DTX4: variants seen among roughly 807,000 people sequenced by gnomAD.
DTX4 encodes the protein E3 ubiquitin-protein ligase DTX4.
DTX4 carries 28 observed loss-of-function variants against 57.6 expected under a neutral mutation model. The ratio of observed to expected loss-of-function variants is 0.49; its 90% CI spans 0.36 to 0.67. DTX4 has a LOEUF of 0.67. DTX4 is among the 30% of genes least tolerant of loss of function. DTX4 has a pLI of 0.00. For synonymous variants in DTX4, 316 were observed against 331.0 expected (o/e 0.95, Z 0.49); for missense variants, 715 against 836.8 (o/e 0.85, Z 1.80).
intron 8 of DTX4, among the ~76,000 whole-genome samples, chr11:59,200,829 G>A (rs1412254044): frequency 6.6e-6 from 1 of 152,144 alleles, no homozygotes; most frequent in African/African-American, 2.4e-5. Context: ...AGGGAGTATT[G>A]GGGGGAATAT....
At chr11:59,189,396 C>T in intron 4 of DTX4, 73 bp downstream of exon 4, 1 of 1,425,318 alleles carries the variant, frequency 7.0e-7, no homozygotes, top group South Asian at 1.4e-5. Context: ...GCCTCAACCT[C>T]CAAGGGTCAT....
chr11:59,186,832 G>C (rs946552863), intron 2 of DTX4, among the ~76,000 whole-genome samples: 1 of 152,206 alleles, frequency 6.6e-6, no homozygotes, highest in African/African-American at 2.4e-5. Context: ...AGTGGCCCTT[G>C]TTTTGTATTC....
At position 59,181,853 on chromosome 11, in the gene DTX4, T is replaced by C; in HGVS notation, c.326T>C (p.Val109Ala). ...TCCTGGACGCCCTACGACATGGAAG[T>C]GGGCATCACCATCCAGCATGCCTAT... ...NGSWTPYDME[V>A]GITIQHAYEK... The change falls in exon 2 of 9, where the codon GTG becomes GCG. Residue 109 changes from valine to alanine, a missense_variant. Val to Ala is a moderately conservative substitution (Grantham distance 64, BLOSUM62 0). Transcript: ENST00000227451. The C allele has an allele frequency of 1.2e-6, 2 of 1,613,974 alleles. No individual in the cohort carries two copies. Among genetic ancestry groups the C allele is most frequent in the Non-Finnish European group, 1.7e-6 (2 of 1,179,882 alleles).
At chr11:59,193,564 C>T (rs1862626035) in intron 6 of DTX4, among the ~76,000 whole-genome samples, 3 of 152,032 alleles carry the variant, frequency 2.0e-5, no homozygotes, top group Admixed American at 2.0e-4. Flanking sequence ...ACATTTGTTC[C>T]CTATTTGATG....
chr11:59,176,299 CTTGT>C (rs1220742521), intron 1 of DTX4, among the ~76,000 whole-genome samples: 1 of 152,246 alleles, frequency 6.6e-6, no homozygotes, highest in Non-Finnish European at 1.5e-5. Context: ...CACACACTAT[CTTGT>C]TTAATCCTCA....
intron 2 of DTX4, among the ~76,000 whole-genome samples, chr11:59,184,258 G>C (rs768894582): frequency 1.3e-5 from 2 of 152,164 alleles, no homozygotes; most frequent in Non-Finnish European, 2.9e-5. Flanking sequence ...TGCTGGGTAA[G>C]AACCCGTCCT....
At position 59,185,454 on chromosome 11, in the gene DTX4, C is replaced by G. The variant is rs1862516121; in HGVS notation, c.935+2992C>G. 3 of 152,156 alleles carry G rather than the reference C, an allele frequency of 2.0e-5. No homozygotes were observed. The South Asian group carries it at 6.2e-4, about 32-fold the overall frequency. The allele number at this position is 152,156 out of a possible 1,614,324, so 9.4% of individuals were successfully genotyped here. A position where few individuals can be genotyped will look rare whatever the true frequency, so the allele number is the denominator to read the frequency against. ...AGGGAACAGGCCAACTGAATGGGGG[C>G]AGGGGGTGTCTTATGATTGGCCAAG... On this transcript the variant is annotated intron_variant, in intron 2 of 8. Coordinates refer to ENST00000227451, the MANE Select transcript of DTX4 (RefSeq NM_015177.2).
intron 1 of DTX4, among the ~76,000 whole-genome samples, chr11:59,174,146 C>T (rs930567128): frequency 6.6e-6 from 1 of 152,106 alleles, no homozygotes; most frequent in Non-Finnish European, 1.5e-5. Flanking sequence ...CCCAGCAACC[C>T]CTTTGCCAAG....
At chr11:59,174,749 A>C (rs966224849) in intron 1 of DTX4, among the ~76,000 whole-genome samples, 50 of 152,102 alleles carry the variant, frequency 3.3e-4, no homozygotes, top group African/African-American at 1.0e-3. Context: ...AGGTCTGATC[A>C]CTCTTACCTG....
chr11:59,173,919 C>T (rs893186192), intron 1 of DTX4, among the ~76,000 whole-genome samples: 3 of 152,146 alleles, frequency 2.0e-5, no homozygotes, highest in Non-Finnish European at 4.4e-5. Flanking sequence ...GGAATTCTGG[C>T]TCGGCTTTCC....
chr11:59,197,683 C>T (rs1862691029), intron 7 of DTX4, among the ~76,000 whole-genome samples: 1 of 152,072 alleles, frequency 6.6e-6, no homozygotes, highest in Admixed American at 6.6e-5. Context: ...AGGAATGGGG[C>T]TCGAACAAGG....
In DTX4 at chr11:59,172,506, C is replaced by G; in HGVS notation, c.-90C>G. The G allele has an allele frequency of 1.1e-6, 1 of 872,884 alleles. No individual in the cohort carries two copies. The highest frequency in any genetic ancestry group is 1.5e-6 in the Non-Finnish European group (1 of 675,568). The allele number at this position is 872,884 out of a possible 1,614,324, so 54.1% of individuals were successfully genotyped here. On this transcript the variant is annotated 5_prime_UTR_variant, in exon 1 of 9. Transcript: ENST00000227451. Reference sequence around the variant, plus strand: ...GCGGGGCAGGGGGCGCGGTCGAGGCCCGGAGGCGGCGGCGCAGGAGGAAGC... The same window carrying G: ...GCGGGGCAGGGGGCGCGGTCGAGGCGCGGAGGCGGCGGCGCAGGAGGAAGC...
intron 7 of DTX4, 23 bp from the exon 8 acceptor site, chr11:59,199,661 G>C: frequency 6.5e-7 from 1 of 1,549,774 alleles, no homozygotes; most frequent in Non-Finnish European, 8.7e-7. Context: ...AATGCCATTT[G>C]CTTGCTTGCT....
At chr11:59,196,251 G>A (rs556361715) in intron 7 of DTX4, among the ~76,000 whole-genome samples, 31 of 152,310 alleles carry the variant, frequency 2.0e-4, no homozygotes, top group African/African-American at 5.5e-4. Context: ...CGCAATCCTT[G>A]CTCCTTGAAG....
rs1470276127 is a variant in DTX4 at position 59,207,453 on chromosome 11, C to A, written c.*2544C>A. On this transcript the variant is annotated 3_prime_UTR_variant, in exon 9 of 9. Transcript: ENST00000227451. ...TGCCCAGTAGGGGCTACCTCATCCT[C>A]GTGCTGTTCTTGTGTGGCTTTCTGG... The A allele has an allele frequency of 6.6e-6, 1 of 152,452 alleles. No homozygotes were observed. Among genetic ancestry groups the A allele is most frequent in the African/African-American group, 2.4e-5 (1 of 41,464 alleles). The allele number at this position is 152,452 out of a possible 1,614,324, so 9.4% of individuals were successfully genotyped here.
Position 59,189,144 on chromosome 11 carries a change from A to G in DTX4, c.998-18A>G. 6.2e-7 allele frequency: 1 copy of G among 1,612,556 alleles called. No homozygotes were observed. The highest frequency in any genetic ancestry group is 8.5e-7 in the Non-Finnish European group (1 of 1,179,726). On this transcript the variant is annotated intron_variant, in intron 3 of 8. Coordinates refer to ENST00000227451, the MANE Select transcript of DTX4 (RefSeq NM_015177.2). Reference sequence around the variant, plus strand: ...CTAAGTCTCCAGTCTTTCCTCACCCATGCCCTGCCCCTTCCAGGAATCACT... The same window carrying G: ...CTAAGTCTCCAGTCTTTCCTCACCCGTGCCCTGCCCCTTCCAGGAATCACT...
At chr11:59,186,135 T>A (rs1862525231) in intron 2 of DTX4, among the ~76,000 whole-genome samples, 1 of 152,154 alleles carries the variant, frequency 6.6e-6, no homozygotes, top group Admixed American at 6.5e-5. Context: ...CGCCATGTCA[T>A]TCCTCTCCTC....
At chr11:59,174,821 G>A (rs531355802) in intron 1 of DTX4, among the ~76,000 whole-genome samples, 1 of 152,270 alleles carries the variant, frequency 6.6e-6, no homozygotes, top group African/African-American at 2.4e-5. Flanking sequence ...TTAAACCTCA[G>A]GCAGAGAACT....
chr11:59,183,020 A>G (rs984298915), intron 2 of DTX4, among the ~76,000 whole-genome samples: 1 of 152,240 alleles, frequency 6.6e-6, no homozygotes, highest in Non-Finnish European at 1.5e-5. Context: ...TTTACATCTC[A>G]TTTAATCCTT....
Sources: allele counts gnomAD v4.1 joint callset (sites outside exome capture counted in the v4.1 genomes callset), GRCh38; gene constraint gnomAD v4.1.1; transcripts MANE v1.5; gene names NCBI Gene and HGNC (gene_info 2026-07-23, HGNC 2026-07-21).